Variants in ENTREP2 observed in about 807,000 individuals in gnomAD.
ENTREP2 encodes the protein protein ENTREP2.
the ENTREP2 span, among the ~76,000 whole-genome samples, chr15:29,332,434 G>GA: frequency 4.0e-3 from 595 of 150,280 alleles, 14 homozygotes; most frequent in Admixed American, 0.028. Flanking sequence ...TTTTCAAAGA[G>GA]AAAAAAAAAG....
At chr15:29,589,780 A>T in the ENTREP2 span, among the ~76,000 whole-genome samples, 1 of 152,206 alleles carries the variant, frequency 6.6e-6, no homozygotes, top group Admixed American at 6.5e-5. Context: ...TAGGCTTGGA[A>T]TCAAGACACC....
chr15:29,351,930 C>T, the ENTREP2 span, among the ~76,000 whole-genome samples: 3 of 152,002 alleles, frequency 2.0e-5, no homozygotes, highest in Admixed American at 6.6e-5. Flanking sequence ...CGAGCCACCA[C>T]GTCCAACTAA....
chr15:29,530,158 G>A, the ENTREP2 span, among the ~76,000 whole-genome samples: 5 of 152,114 alleles, frequency 3.3e-5, no homozygotes, highest in Non-Finnish European at 7.4e-5. Context: ...TCCAGAAAAT[G>A]CAAAGCTCTT....
chr15:29,516,070 C>T, the ENTREP2 span, among the ~76,000 whole-genome samples: 2 of 152,090 alleles, frequency 1.3e-5, no homozygotes, highest in Middle Eastern at 3.2e-3. Context: ...AATGTTGCTG[C>T]ATATTAGGAT....
chr15:29,176,813 C>T, the ENTREP2 span, among the ~76,000 whole-genome samples: 1 of 152,248 alleles, frequency 6.6e-6, no homozygotes, highest in South Asian at 2.1e-4. Flanking sequence ...TCTCCTCCTA[C>T]TCTGATGTGC....
chr15:29,656,778 T>A, the ENTREP2 span, among the ~76,000 whole-genome samples: 1 of 152,144 alleles, frequency 6.6e-6, no homozygotes, highest in Admixed American at 6.5e-5. Context: ...AAAGCCACTC[T>A]GAAAAACAGT....
chr15:29,527,453 C>T, the ENTREP2 span, among the ~76,000 whole-genome samples: 7 of 152,110 alleles, frequency 4.6e-5, no homozygotes, highest in African/African-American at 1.7e-4. Context: ...GAAAAATAAT[C>T]CCAACAATCA....
At chr15:29,602,968 A>T in the ENTREP2 span, among the ~76,000 whole-genome samples, 1,177 of 152,354 alleles carry the variant, frequency 7.7e-3, 9 homozygotes, top group Non-Finnish European at 0.014. Flanking sequence ...GGCATTTCGT[A>T]GCTACCAAAA....
At chr15:29,222,582 TTCC>T in the ENTREP2 span, among the ~76,000 whole-genome samples, 4 of 152,150 alleles carry the variant, frequency 2.6e-5, no homozygotes, top group Non-Finnish European at 4.4e-5. Flanking sequence ...GGACCACGTT[TTCC>T]TCCTCCTCTT....
chr15:29,367,858 A>G, the ENTREP2 span, among the ~76,000 whole-genome samples: 5 of 152,176 alleles, frequency 3.3e-5, no homozygotes, highest in African/African-American at 1.2e-4. Context: ...ATTCATTCAG[A>G]AAAGTCATCA....
the ENTREP2 span, among the ~76,000 whole-genome samples, chr15:29,329,536 C>T: frequency 2.6e-5 from 4 of 152,208 alleles, no homozygotes; most frequent in East Asian, 1.9e-4. Flanking sequence ...AAGGCCTCTC[C>T]CCCACCCAGT....
the ENTREP2 span, among the ~76,000 whole-genome samples, chr15:29,306,806 C>T: frequency 2.7e-5 from 4 of 150,276 alleles, no homozygotes; most frequent in East Asian, 2.0e-4. Flanking sequence ...AGTGCAGTGG[C>T]GCGATCTCAG....
At chr15:29,124,798 GA>G in the ENTREP2 span, 4 of 1,522,522 alleles carry the variant, frequency 2.6e-6, no homozygotes, top group Non-Finnish European at 2.7e-6. Flanking sequence ...CACATGAAAG[GA>G]AAAAGGAATT....
the ENTREP2 span, among the ~76,000 whole-genome samples, chr15:29,420,891 C>CTTCA: frequency 1.5e-3 from 221 of 152,332 alleles, no homozygotes; most frequent in African/African-American, 5.1e-3. Context: ...CATTCTGAGG[C>CTTCA]TGGTCCCACC....
chr15:29,643,355 G>A, the ENTREP2 span, among the ~76,000 whole-genome samples: 1 of 152,002 alleles, frequency 6.6e-6, no homozygotes, highest in Non-Finnish European at 1.5e-5. Flanking sequence ...TATACAAATG[G>A]ACCAATAAGC....
chr15:29,576,962 C>T, the ENTREP2 span, among the ~76,000 whole-genome samples: 89 of 151,670 alleles, frequency 5.9e-4, no homozygotes, highest in East Asian at 0.01. Context: ...CGCCCGCCAC[C>T]GCACCCGCTA....
At chr15:29,451,475 C>G in the ENTREP2 span, among the ~76,000 whole-genome samples, 3 of 152,086 alleles carry the variant, frequency 2.0e-5, no homozygotes, top group Non-Finnish European at 2.9e-5. Flanking sequence ...GAGCTCATGT[C>G]GGGGGCGCGA....
chr15:29,215,810 A>G, the ENTREP2 span, among the ~76,000 whole-genome samples: 1 of 152,064 alleles, frequency 6.6e-6, no homozygotes, highest in Non-Finnish European at 1.5e-5. Context: ...AGTCTCCTGA[A>G]GGCAGCAGAT....
the ENTREP2 span, among the ~76,000 whole-genome samples, chr15:29,323,827 A>G: frequency 1.3e-5 from 2 of 152,262 alleles, no homozygotes; most frequent in African/African-American, 4.8e-5. Flanking sequence ...GTGCTGTGAG[A>G]GCAGAGGAAA....
Sources: allele counts gnomAD v4.1 joint callset (sites outside exome capture counted in the v4.1 genomes callset), GRCh38; gene constraint gnomAD v4.1.1; transcripts MANE v1.5; gene names NCBI Gene and HGNC (gene_info 2026-07-23, HGNC 2026-07-21).